TENM2: variants seen among roughly 807,000 people sequenced by gnomAD.
TENM2 encodes teneurin-2.
Under a neutral mutation model 245.2 loss-of-function variants are expected in TENM2, and 52 were observed. The observed-to-expected ratio is 0.21, with a 90% CI of 0.17 to 0.27. The LOEUF (loss-of-function observed/expected upper bound fraction) is 0.27. TENM2 is among the 10% of genes least tolerant of loss of function. The pLI is 1.00. For synonymous variants in TENM2, 1,363 were observed against 1,438.9 expected, an observed-to-expected ratio of 0.95 and a Z score of 1.19; for missense variants, 3,046 against 3,666.8, an observed-to-expected ratio of 0.83 and a Z score of 4.37.
At chr5:167,351,229 C>T (rs1758895087) in intron 1 of TENM2, among the ~76,000 whole-genome samples, 1 of 150,506 alleles carries the variant, frequency 6.6e-6, no homozygotes, top group Non-Finnish European at 1.5e-5. Flanking sequence ...TAAGATCAAC[C>T]ACAATTAATT....
rs1795726089 is a variant in TENM2, at chr5:168,124,843, T to C, written c.2009-7T>C. 4.4e-6 allele frequency: 7 copies of C among 1,603,740 alleles called. No homozygotes were observed. The highest frequency in any genetic ancestry group is 6.0e-6 in the Non-Finnish European group (7 of 1,174,454). On this transcript the variant is annotated splice_region_variant and splice_polypyrimidine_tract_variant and intron_variant, in intron 10 of 28. Transcript: ENST00000518659. ...TATTCTTTGGTTTTTGTTTTTGTTTTTTTCAGTTGATTGCTTGGATCCCAC... is the reference window on the plus strand; with the variant it reads ...TATTCTTTGGTTTTTGTTTTTGTTTCTTTCAGTTGATTGCTTGGATCCCAC...
chr5:167,416,057 GT>G (rs1034148351), intron 2 of TENM2, among the ~76,000 whole-genome samples: 2 of 152,154 alleles, frequency 1.3e-5, no homozygotes, highest in African/African-American at 4.8e-5. Context: ...TTCAGTTTGG[GT>G]TAGGAAATTT....
At chr5:167,203,168 C>T in the TENM2 span, among the ~76,000 whole-genome samples, 4 of 152,172 alleles carry the variant, frequency 2.6e-5, no homozygotes, top group Non-Finnish European at 5.9e-5. Context: ...CATTTCTCTA[C>T]TTGAAATCTT....
chr5:168,226,435 GA>G (rs111305766), intron 24 of TENM2, among the ~76,000 whole-genome samples, 172 bp downstream of exon 26: 15 of 152,210 alleles, frequency 9.9e-5, no homozygotes, highest in Admixed American at 3.3e-4. Context: ...CAATCTTGTA[GA>G]AAATGACTTA....
chr5:167,821,827 A>T (rs990801885), intron 2 of TENM2, among the ~76,000 whole-genome samples: 1 of 151,986 alleles, frequency 6.6e-6, no homozygotes, highest in Non-Finnish European at 1.5e-5. Context: ...ATCCTCTCTC[A>T]TTAGGGTCTG....
intron 6 of TENM2, among the ~76,000 whole-genome samples, chr5:168,049,489 G>A (rs1188639038): frequency 6.6e-6 from 1 of 152,132 alleles, no homozygotes; most frequent in African/African-American, 2.4e-5. Context: ...ATGGGAATTA[G>A]TGATCTCTAC....
the TENM2 span, among the ~76,000 whole-genome samples, chr5:167,187,126 A>G: frequency 2.0e-5 from 3 of 152,348 alleles, no homozygotes; most frequent in Admixed American, 6.5e-5. Context: ...TTAAGCAGTC[A>G]TAAGAGATTG....
At chr5:167,898,318 C>G (rs1287924465) in intron 3 of TENM2, among the ~76,000 whole-genome samples, 1 of 152,094 alleles carries the variant, frequency 6.6e-6, no homozygotes, top group Non-Finnish European at 1.5e-5. Context: ...GGGTGGGGCC[C>G]ATAAAGCTGT....
the TENM2 span, among the ~76,000 whole-genome samples, chr5:167,206,005 G>T: frequency 3.3e-5 from 5 of 152,154 alleles, no homozygotes; most frequent in South Asian, 2.1e-4. Flanking sequence ...CCTGGGAAAC[G>T]CAGGATAATC....
At chr5:167,873,001 A>G (rs1309539397) in intron 2 of TENM2, among the ~76,000 whole-genome samples, 1 of 152,254 alleles carries the variant, frequency 6.6e-6, no homozygotes, top group African/African-American at 2.4e-5. Context: ...TTCAACATGC[A>G]GTTTCAGATA....
chr5:167,536,270 G>A (rs976718166), intron 2 of TENM2, among the ~76,000 whole-genome samples: 8 of 151,358 alleles, frequency 5.3e-5, no homozygotes, highest in South Asian at 2.1e-4. Context: ...AATAATAACC[G>A]CTACCAGGAA....
At chr5:168,070,820 A>AGAG (rs375473762) in intron 7 of TENM2, among the ~76,000 whole-genome samples, 1 of 87,062 alleles carries the variant, frequency 1.1e-5, no homozygotes, top group African/African-American at 3.7e-5. Flanking sequence ...AGAGAGAGAG[A>AGAG]AAAAAAGAAA....
chr5:168,000,224 G>A (rs960717161), intron 5 of TENM2, among the ~76,000 whole-genome samples: 3 of 152,256 alleles, frequency 2.0e-5, no homozygotes, highest in Non-Finnish European at 4.4e-5. Context: ...GACATCTTTC[G>A]TTGGTTCATT....
intron 2 of TENM2, among the ~76,000 whole-genome samples, chr5:167,633,785 G>T (rs77718828): frequency 8.7e-4 from 132 of 152,098 alleles, no homozygotes; most frequent in Non-Finnish European, 1.4e-3. Context: ...TTCTACAAAA[G>T]AAATTAATCA....
chr5:167,007,291 C>G, the TENM2 span, among the ~76,000 whole-genome samples: 1 of 152,144 alleles, frequency 6.6e-6, no homozygotes, highest in East Asian at 1.9e-4. The surrounding 1 kb of genome is among the most constrained non-coding windows in gnomAD (Gnocchi z 4.2). Context: ...CATTTCCCAG[C>G]TCATAGCTAA....
At chr5:167,036,296 G>A in the TENM2 span, among the ~76,000 whole-genome samples, 21 of 152,292 alleles carry the variant, frequency 1.4e-4, no homozygotes, top group Admixed American at 2.6e-4. Flanking sequence ...CCAGTGGCTG[G>A]ATCACATAAA....
At chr5:167,839,840 G>A (rs1769329893) in intron 2 of TENM2, among the ~76,000 whole-genome samples, 1 of 152,086 alleles carries the variant, frequency 6.6e-6, no homozygotes, top group African/African-American at 2.4e-5. Context: ...TTTTTGAGAT[G>A]GAATTTTGCT....
intron 5 of TENM2, among the ~76,000 whole-genome samples, chr5:168,002,407 C>T (rs958282915): frequency 1.5e-4 from 23 of 152,194 alleles, no homozygotes; most frequent in Non-Finnish European, 3.1e-4. Flanking sequence ...TTTAAAGTCA[C>T]GTTAATGAAG....
chr5:167,697,422 A>G (rs1486620340), intron 2 of TENM2, among the ~76,000 whole-genome samples: 4 of 152,210 alleles, frequency 2.6e-5, no homozygotes. Flanking sequence ...TGTTGACTAG[A>G]TTATAAGCTC....
Sources: allele counts gnomAD v4.1 joint callset (sites outside exome capture counted in the v4.1 genomes callset), GRCh38; gene constraint gnomAD v4.1.1; non-coding constraint Gnocchi (gnomAD v3.1); transcripts MANE v1.5; gene names NCBI Gene and HGNC (gene_info 2026-07-23, HGNC 2026-07-21).